Variants in MUC7 observed in about 807,000 individuals in gnomAD.
The protein encoded by MUC7 is mucin-7.
MUC7 carries 2 observed loss-of-function variants against 2.5 expected under a neutral mutation model. That is an observed-to-expected ratio of 0.81 (90% CI 0.33 to 2.55). The LOEUF is 2.55. MUC7 is among the 30% of genes most tolerant of loss of function. The pLI, the probability that MUC7 is intolerant of heterozygous loss-of-function variation, is 0.11. For synonymous variants in MUC7, 133 were observed against 173.4 expected (o/e 0.77, Z 1.83); for missense variants, 408 against 455.6 (o/e 0.90, Z 0.95).
intron 2 of MUC7, among the ~76,000 whole-genome samples, chr4:70,475,823 G>A (rs1376595056): frequency 6.6e-6 from 1 of 151,876 alleles, no homozygotes; most frequent in African/African-American, 2.4e-5. Flanking sequence ...CAGTAGAGTA[G>A]AGAGAGAGAG....
intron 1 of MUC7, among the ~76,000 whole-genome samples, chr4:70,466,370 G>T (rs1734683046): frequency 6.6e-6 from 1 of 152,104 alleles, no homozygotes; most frequent in Non-Finnish European, 1.5e-5. Flanking sequence ...AAAATAACCA[G>T]CTAACATCAT....
At chr4:70,431,110 C>T (rs1438905295) in intron 1 of MUC7, among the ~76,000 whole-genome samples, 2 of 151,658 alleles carry the variant, frequency 1.3e-5, no homozygotes, top group East Asian at 3.9e-4. Flanking sequence ...AGAAAAACTC[C>T]AAATAAGAAG....
chr4:70,465,688 AG>A (rs1236408875), intron 1 of MUC7, among the ~76,000 whole-genome samples: 1 of 152,216 alleles, frequency 6.6e-6, no homozygotes, highest in Admixed American at 6.5e-5. Context: ...CATGAAGACA[AG>A]ATTAGAGAAA....
chr4:70,442,396 C>G (rs2109706558), intron 1 of MUC7, among the ~76,000 whole-genome samples: 1 of 152,332 alleles, frequency 6.6e-6, no homozygotes, highest in Admixed American at 6.5e-5. Context: ...CCCTGGCCTG[C>G]AGCCCACCTG....
intron 1 of MUC7, among the ~76,000 whole-genome samples, chr4:70,434,313 A>G (rs935689724): frequency 5.9e-5 from 9 of 152,012 alleles, no homozygotes; most frequent in Non-Finnish European, 1.0e-4. Flanking sequence ...TCCTCTTTAT[A>G]CCTCTGGTAG....
chr4:70,450,125 T>C (rs1734244915), intron 1 of MUC7, among the ~76,000 whole-genome samples: 1 of 152,236 alleles, frequency 6.6e-6, no homozygotes, highest in South Asian at 2.1e-4. Context: ...GTCTACGTAC[T>C]GTTCTATTGT....
chr4:70,455,266 T>C (rs1734384770), intron 1 of MUC7, among the ~76,000 whole-genome samples: 2 of 152,118 alleles, frequency 1.3e-5, no homozygotes, highest in Admixed American at 6.6e-5. Context: ...GGCCCCTGGG[T>C]CTGTCAGAGC....
upstream of MUC7, chr4:70,471,883 G>C (rs1361783546): frequency 6.6e-6 from 1 of 152,110 alleles, no homozygotes; most frequent in Non-Finnish European, 1.5e-5. Context: ...AGCCCAACAG[G>C]AAAGAGTGGA....
intron 1 of MUC7, among the ~76,000 whole-genome samples, chr4:70,442,455 A>C (rs1433904863): frequency 6.6e-6 from 1 of 152,052 alleles, no homozygotes; most frequent in Non-Finnish European, 1.5e-5. Context: ...CACCACCCCA[A>C]CAGTGGTCAT....
chr4:70,476,678 T>C lies in MUC7; in HGVS notation c.54+2603T>C, dbSNP rs149308842. On this transcript the variant is annotated intron_variant, in intron 2 of 2. Coordinates refer to ENST00000304887, the MANE Select transcript of MUC7 (RefSeq NM_152291.3). Reference sequence around the variant, plus strand: ...GGCCCACACCTGTAATTGCAGCTACTTGGGAGGCTGATGGAGGAGAATCAC... The same window carrying C: ...GGCCCACACCTGTAATTGCAGCTACCTGGGAGGCTGATGGAGGAGAATCAC... 3.1e-3 allele frequency among the ~76,000 whole-genome samples: 466 copies of C among 152,214 alleles called. 7 individuals are homozygous for C. Among genetic ancestry groups the C allele is most frequent in the African/African-American group, 0.011 (449 of 41,538 alleles).
chr4:70,458,518 AT>A (rs1307959410), intron 1 of MUC7, among the ~76,000 whole-genome samples: 1 of 152,166 alleles, frequency 6.6e-6, no homozygotes, highest in African/African-American at 2.4e-5. Flanking sequence ...TAACATTAGA[AT>A]TAATGGCAAT....
intron 1 of MUC7, among the ~76,000 whole-genome samples, chr4:70,466,088 T>G (rs967056099): frequency 1.3e-5 from 2 of 152,162 alleles, no homozygotes; most frequent in African/African-American, 4.8e-5. Context: ...AGCCAGAATA[T>G]AGTGGGGGCC....
At chr4:70,447,200 A>G (rs886326604) in intron 1 of MUC7, among the ~76,000 whole-genome samples, 2 of 152,146 alleles carry the variant, frequency 1.3e-5, no homozygotes, top group Admixed American at 1.3e-4. Flanking sequence ...AACCTTTATT[A>G]CTTTCAAAAA....
At chr4:70,437,940 G>A (rs1166202819) in intron 1 of MUC7, among the ~76,000 whole-genome samples, 3 of 152,154 alleles carry the variant, frequency 2.0e-5, no homozygotes, top group Non-Finnish European at 4.4e-5. Context: ...AATAGAGTTT[G>A]AGCAGATCTT....
rs113776132 is a variant in MUC7 at position 70,434,745 on chromosome 4, C to T, written c.-93+4058C>T. Among the ~76,000 whole-genome samples, 1,483 of 152,244 alleles carry T rather than the reference C, an allele frequency of 9.7e-3. 27 individuals carry two copies. The highest frequency in any genetic ancestry group is 0.034 in the African/African-American group (1,409 of 41,548). On this transcript the variant is annotated intron_variant, in intron 1 of 3. Coordinates refer to the MUC7 transcript ENST00000413702. Reference sequence around the variant, plus strand: ...GATCTTAATAATTTCTTGCCTTCTGCGAGCTTTTGAAAGTGTTTGCTCTTG... The same window carrying T: ...GATCTTAATAATTTCTTGCCTTCTGTGAGCTTTTGAAAGTGTTTGCTCTTG...
chr4:70,437,138 A>T (rs1733863579), intron 1 of MUC7, among the ~76,000 whole-genome samples: 1 of 152,182 alleles, frequency 6.6e-6, no homozygotes, highest in South Asian at 2.1e-4. Context: ...GATGTCTTCC[A>T]GTCAGGCTAC....
chr4:70,446,748 A>G (rs1734150756), intron 1 of MUC7, among the ~76,000 whole-genome samples: 1 of 152,146 alleles, frequency 6.6e-6, no homozygotes, highest in African/African-American at 2.4e-5. Context: ...CTAAACTTCT[A>G]ATGCCAAATA....
chr4:70,463,456 T>C (rs1375034879), intron 1 of MUC7, among the ~76,000 whole-genome samples: 1 of 151,892 alleles, frequency 6.6e-6, no homozygotes, highest in Non-Finnish European at 1.5e-5. Context: ...GTTTCTATTA[T>C]TTTTTCACTT....
intron 1 of MUC7, among the ~76,000 whole-genome samples, chr4:70,443,977 G>A (rs1279937469): frequency 6.6e-6 from 1 of 152,016 alleles, no homozygotes; most frequent in Admixed American, 6.6e-5. Flanking sequence ...AAATCCACTG[G>A]ACATCAACAT....
Sources: allele counts gnomAD v4.1 joint callset (sites outside exome capture counted in the v4.1 genomes callset), GRCh38; gene constraint gnomAD v4.1.1; transcripts MANE v1.5; gene names NCBI Gene and HGNC (gene_info 2026-07-23, HGNC 2026-07-21).